Variants in COL8A1 observed in about 807,000 individuals in gnomAD.
The protein encoded by COL8A1 is collagen alpha-1(VIII) chain.
Under a neutral mutation model 42.7 loss-of-function variants are expected in COL8A1, and 21 were observed. The ratio of observed to expected loss-of-function variants is 0.49; its 90% confidence interval spans 0.35 to 0.71. COL8A1 has a LOEUF of 0.71. COL8A1 is among the 30% of genes least tolerant of loss of function. The pLI is 0.01. For synonymous variants in COL8A1, 367 were observed against 369.1 expected (o/e 0.99, Z 0.06); for missense variants, 788 against 962.4 (o/e 0.82, Z 2.40).
chr3:99,689,234 C>T (rs1202322428), intron 1 of COL8A1, among the ~76,000 whole-genome samples: 5 of 152,200 alleles, frequency 3.3e-5, no homozygotes, highest in Admixed American at 3.3e-4. Context: ...CTGACACTAA[C>T]TCATCTACAT....
chr3:99,680,906 T>C (rs1938856422), intron 1 of COL8A1, among the ~76,000 whole-genome samples: 2 of 152,162 alleles, frequency 1.3e-5, no homozygotes, highest in Middle Eastern at 3.4e-3. Context: ...TCCTATTTAA[T>C]AAATGATGCT....
chr3:99,747,285 A>G (rs569821732), intron 2 of COL8A1, among the ~76,000 whole-genome samples: 1 of 152,336 alleles, frequency 6.6e-6, no homozygotes, highest in African/African-American at 2.4e-5. Flanking sequence ...AGCAACAATC[A>G]TCATAAAAAC....
At chr3:99,770,110 G>A (rs1436511170) in intron 2 of COL8A1, among the ~76,000 whole-genome samples, 1 of 152,158 alleles carries the variant, frequency 6.6e-6, no homozygotes, top group East Asian at 1.9e-4. Flanking sequence ...GAACAAAAGG[G>A]TATGGTCTAG....
At chr3:99,663,525 T>C (rs1360970746) in intron 1 of COL8A1, among the ~76,000 whole-genome samples, 1 of 152,218 alleles carries the variant, frequency 6.6e-6, no homozygotes, top group Non-Finnish European at 1.5e-5. Flanking sequence ...CAGTGTTTTG[T>C]TTTGTCTTTT....
In COL8A1 at chr3:99,795,492, G is replaced by T; in HGVS notation, c.1591G>T (p.Gly531Cys). ...CCTCCCAGGGCCCCCTGGGTTCCCT[G>T]GTATAGGGAAACCCGGAGTGGCAGG... Reference protein sequence around the residue: ...PGLPGPPGFPGIGKPGVAGLH... With the variant: ...PGLPGPPGFPCIGKPGVAGLH... Residue 531 changes from glycine to cysteine, a missense_variant, in exon 4 of 4, where the codon GGT becomes TGT. Around this residue, in one of 4 missense-constraint regions of COL8A1, gnomAD observed 154 missense variants for 182.3 expected, o/e 0.84. Transcript: ENST00000652472. 6.4e-7 allele frequency: 1 copy of T among 1,573,262 alleles called. No homozygotes were observed. The highest frequency in any genetic ancestry group is 8.6e-7 in the Non-Finnish European group (1 of 1,158,994).
chr3:99,709,683 G>A (rs1353016196), intron 1 of COL8A1, among the ~76,000 whole-genome samples: 1 of 152,126 alleles, frequency 6.6e-6, no homozygotes, highest in Non-Finnish European at 1.5e-5. Flanking sequence ...TCTCCATATT[G>A]AATCTGACTC....
chr3:99,690,704 G>A (rs1337114485), intron 1 of COL8A1, among the ~76,000 whole-genome samples: 1 of 152,172 alleles, frequency 6.6e-6, no homozygotes, highest in African/African-American at 2.4e-5. Flanking sequence ...AACTCATAAT[G>A]TTCCACAGAA....
chr3:99,788,696 G>A (rs115495652), intron 2 of COL8A1, among the ~76,000 whole-genome samples: 1,869 of 152,224 alleles, frequency 0.012, 20 homozygotes, highest in African/African-American at 0.028. Flanking sequence ...TTGTTTAGAT[G>A]CACATAACTA....
At chr3:99,654,039 C>G (rs1352869889) in intron 1 of COL8A1, among the ~76,000 whole-genome samples, 1 of 152,062 alleles carries the variant, frequency 6.6e-6, no homozygotes, top group African/African-American at 2.4e-5. Context: ...AGTCTGTGGC[C>G]GAGGGCCTGA....
Position 99,740,636 on chromosome 3 carries a change from C to T in COL8A1, c.-128-4261C>T, listed in dbSNP as rs564724745. On this transcript the variant is annotated intron_variant, in intron 1 of 3. Transcript: ENST00000652472. The stretch of plus-strand genomic sequence containing the variant: ...TGATTCACTTACCTCCCACTGGGTA[C>T]CTCCCACAACATGTGGGGATTATGG... 2.8e-4 allele frequency among the ~76,000 whole-genome samples: 43 copies of T among 152,300 alleles called. No individual in the cohort carries two copies. The South Asian group carries it at 8.1e-3, about 29-fold the overall frequency.
At chr3:99,693,544 T>C (rs1939283353) in intron 1 of COL8A1, among the ~76,000 whole-genome samples, 1 of 151,948 alleles carries the variant, frequency 6.6e-6, no homozygotes, top group Admixed American at 6.6e-5. Context: ...AAAAGAAAAG[T>C]CTAAAAAGTA....
chr3:99,694,522 G>T (rs549018043), intron 1 of COL8A1, among the ~76,000 whole-genome samples: 1 of 152,144 alleles, frequency 6.6e-6, no homozygotes, highest in South Asian at 2.1e-4. Flanking sequence ...CCATGTGCAC[G>T]CTTTGAAAAT....
chr3:99,685,352 A>G (rs1228166569), intron 1 of COL8A1: 1 of 152,204 alleles, frequency 6.6e-6, no homozygotes, highest in African/African-American at 2.4e-5. Context: ...AGAATCATGA[A>G]ATAATATTAT....
intron 1 of COL8A1, among the ~76,000 whole-genome samples, chr3:99,677,005 C>T (rs576603648): frequency 6.6e-6 from 1 of 151,428 alleles, no homozygotes; most frequent in African/African-American, 2.4e-5. Flanking sequence ...ATCACTTAAG[C>T]CCAAGAGTTT....
Position 99,752,342 on chromosome 3 carries a change from A to G in COL8A1, c.-4+7321A>G, listed in dbSNP as rs143718564. 2.6e-4 allele frequency among the ~76,000 whole-genome samples: 40 copies of G among 152,284 alleles called. No individual in the cohort carries two copies. The East Asian group carries it at 7.0e-3, about 26-fold the overall frequency. On this transcript the variant is annotated intron_variant, in intron 2 of 3. Transcript: ENST00000652472. ...AGGGTTTGGTCATAGTTAACATTTA[A>G]TAAGTCCCAGCTATTAGTAGTAGTG...
chr3:99,726,772 T>C (rs1430476003), intron 1 of COL8A1, among the ~76,000 whole-genome samples: 1 of 151,998 alleles, frequency 6.6e-6, no homozygotes, highest in Non-Finnish European at 1.5e-5. Context: ...TTGATCTATA[T>C]CTCTGTTTTG....
At chr3:99,745,427 CT>C (rs1320140410) in intron 2 of COL8A1, among the ~76,000 whole-genome samples, 2 of 152,112 alleles carry the variant, frequency 1.3e-5, no homozygotes, top group Non-Finnish European at 2.9e-5. Flanking sequence ...AATAAAAGAT[CT>C]GGAGATTTGT....
At chr3:99,711,358 C>A (rs1263771471) in intron 1 of COL8A1, among the ~76,000 whole-genome samples, 4 of 152,146 alleles carry the variant, frequency 2.6e-5, no homozygotes, top group Admixed American at 2.6e-4. Flanking sequence ...CTAATAGAAA[C>A]AAATGTAATA....
chr3:99,710,471 T>A (rs1939803194), intron 1 of COL8A1, among the ~76,000 whole-genome samples: 1 of 152,212 alleles, frequency 6.6e-6, no homozygotes, highest in South Asian at 2.1e-4. Flanking sequence ...AGGGACATTG[T>A]TAAACTAAGC....
Sources: gnomAD v4.1 joint callset for allele counts (sites outside exome capture counted in the v4.1 genomes callset) on GRCh38, gnomAD v4.1.1 for gene constraint, gnomAD v4.1.1 regional missense constraint, MANE v1.5 for transcripts, NCBI Gene and HGNC (gene_info 2026-07-23, HGNC 2026-07-21) for gene names.